CKAP5: variants seen among roughly 807,000 people sequenced by gnomAD.
CKAP5 encodes cytoskeleton-associated protein 5.
CKAP5 carries 27 observed loss-of-function variants against 232.8 expected under a neutral mutation model. That is an observed-to-expected ratio of 0.12 (90% CI 0.09 to 0.16). The LOEUF (loss-of-function observed/expected upper bound fraction) is 0.16. Ranked by LOEUF, CKAP5 falls within the 10% of genes least tolerant of loss-of-function variation. The pLI is 1.00. For missense variants in CKAP5, 1,838 were observed against 2,424.7 expected (o/e 0.76, Z 5.08); for synonymous variants, 785 against 841.1 (o/e 0.93, Z 1.16).
Position 46,765,195 on chromosome 11 carries a change from C to A in CKAP5, c.3473G>T (p.Gly1158Val). 1 of 1,613,000 alleles carries A rather than the reference C, an allele frequency of 6.2e-7. No individual in the cohort carries two copies. Among genetic ancestry groups the A allele is most frequent in the Non-Finnish European group, 8.5e-7 (1 of 1,179,510 alleles). The change falls in exon 28 of 44, where the codon GGG (glycine) becomes GTG (valine). Residue 1158 changes from glycine (G) to valine (V), a missense_variant. By Grantham distance (109) the Gly-to-Val change is moderately radical. This residue lies in a region of CKAP5 where 767 missense variants were observed against 954.6 expected (regional missense o/e 0.80). Transcript: ENST00000529230. ...ATTTGGAACAACAATAAAAATAGGCCCGGATTTGTCTTCATCCTCCTTTAA... is the reference window on the plus strand; with the variant it reads ...ATTTGGAACAACAATAAAAATAGGCACGGATTTGTCTTCATCCTCCTTTAA... ...TSLKEDEDKS[G>V]PIFIVVPNGK... is the part of the protein sequence containing the mutation.
chr11:46,757,484 C>T (rs961136768), intron 35 of CKAP5, among the ~76,000 whole-genome samples: 8 of 151,732 alleles, frequency 5.3e-5, no homozygotes, highest in Non-Finnish European at 1.0e-4. Flanking sequence ...CGGCGAGACT[C>T]CATCTCAAAA....
intron 4 of CKAP5, among the ~76,000 whole-genome samples, chr11:46,815,047 A>T (rs1939366119): frequency 6.6e-6 from 1 of 152,080 alleles, no homozygotes; most frequent in South Asian, 2.1e-4. Context: ...AATTTTTAAA[A>T]TGTATTTATT....
rs771493498 is a variant in CKAP5, at chr11:46,769,958, G to A, written c.3322+5C>T. 2 of 1,614,052 alleles carry A rather than the reference G, an allele frequency of 1.2e-6. No individual in the cohort carries two copies. Among genetic ancestry groups the A allele is most frequent in the Non-Finnish European group, 8.5e-7 (1 of 1,179,970 alleles). ...TCCCCTTTAACCTTCTTAAGATAGA[G>A]TTACCTGATGCAGGCTGGAATTTGG... On this transcript the variant is annotated splice_donor_5th_base_variant and intron_variant, in intron 26 of 43. Coordinates refer to ENST00000529230, the MANE Select transcript of CKAP5 (RefSeq NM_001008938.4).
intron 42 of CKAP5, among the ~76,000 whole-genome samples, chr11:46,746,993 TAGCTG>T (rs2134561766): frequency 1.3e-5 from 2 of 152,046 alleles, no homozygotes; most frequent in African/African-American, 4.8e-5. Context: ...CACAAAAAAT[TAGCTG>T]GGTGTGGTGG....
At chr11:46,770,487 A>C (rs997527842) in intron 25 of CKAP5, among the ~76,000 whole-genome samples, 4 of 152,208 alleles carry the variant, frequency 2.6e-5, no homozygotes, top group Admixed American at 6.5e-5. Flanking sequence ...GCTGGAGTGC[A>C]GTGGCACGAT....
chr11:46,839,868 T>C (rs939119137), intron 1 of CKAP5, among the ~76,000 whole-genome samples: 2 of 152,266 alleles, frequency 1.3e-5, no homozygotes, highest in African/African-American at 4.8e-5. Flanking sequence ...GCGGGACATG[T>C]TGGCTCATGC....
At chr11:46,829,448 G>C (rs1267338273) in intron 1 of CKAP5, among the ~76,000 whole-genome samples, 1 of 152,208 alleles carries the variant, frequency 6.6e-6, no homozygotes, top group African/African-American at 2.4e-5. Flanking sequence ...GGGAGGCTAA[G>C]GTAGAAGGAT....
chr11:46,760,877 G>C, intron 32 of CKAP5, 93 bp from the exon 33 acceptor site: 1 of 1,133,314 alleles, frequency 8.8e-7, no homozygotes, highest in East Asian at 2.4e-5. Flanking sequence ...GTTAGGACAT[G>C]TTTACTTTCA....
chr11:46,844,642 A>T (rs189204590), intron 1 of CKAP5, among the ~76,000 whole-genome samples: 102 of 151,920 alleles, frequency 6.7e-4, no homozygotes, highest in South Asian at 1.7e-3. Context: ...CTTTTAAAAA[A>T]TTTTTTTTCT....
At position 46,778,232 on chromosome 11, in the gene CKAP5, T is replaced by G; in HGVS notation, c.2655A>C (p.Ala885=). The G allele has an allele frequency of 1.2e-6, 2 of 1,613,832 alleles. No homozygotes were observed. Among genetic ancestry groups the G allele is most frequent in the Non-Finnish European group, 1.7e-6 (2 of 1,179,714 alleles). ...KIRKEGLDEV[A]GIINDAKFIQ... is the part of the protein sequence containing the mutation. The stretch of plus-strand genomic sequence containing the variant: ...TAAATTTTGCGTCATTAATAATACC[T>G]GCCACTTCATCTAGGCCTTCTTTCC... Residue 885 remains alanine (A), a synonymous_variant, in exon 22 of 44, where the codon GCA becomes GCC. Transcript: ENST00000529230.
chr11:46,751,099 T>A lies in CKAP5; in HGVS notation c.5460+19A>T. ...GGTGTAGCCTCATGTCCCTCAATCT[T>A]TCAAGTCAGGCCACTCACTATTCGA... On this transcript the variant is annotated intron_variant, in intron 40 of 43. Transcript: ENST00000529230. The A allele has an allele frequency of 6.2e-7, 1 of 1,613,978 alleles. No individual in the cohort carries two copies. The highest frequency in any genetic ancestry group is 2.2e-5 in the East Asian group (1 of 44,878).
chr11:46,777,081 A>G (rs6485690), intron 23 of CKAP5, among the ~76,000 whole-genome samples: 78,131 of 152,024 alleles, frequency 0.51, 23,235 homozygotes, highest in South Asian at 0.67. Context: ...AAAATGTTAC[A>G]CAATTACGTT....
intron 35 of CKAP5, 88 bp downstream of exon 35, chr11:46,758,835 T>C (rs2134585293): frequency 6.9e-7 from 1 of 1,447,866 alleles, no homozygotes; most frequent in African/African-American, 1.4e-5. Flanking sequence ...CATCCCCTAA[T>C]GCTATGACTC....
In CKAP5 at chr11:46,751,211, C is replaced by T. The variant is rs373055109; in HGVS notation, c.5367G>A (p.Glu1789=). 1.9e-6 allele frequency: 3 copies of T among 1,614,196 alleles called. No homozygotes were observed. The highest frequency in any genetic ancestry group is 2.5e-6 in the Non-Finnish European group (3 of 1,180,042). The change falls in exon 40 of 44, where the codon GAG becomes GAA. Residue 1789 remains glutamate (E), a synonymous_variant. Transcript: ENST00000529230. Reference sequence around the variant, plus strand: ...TCATCCGGCAGAGATGGGCCTCCAGCTCAGACTCGTTTTTGTTGTCGATCA... The same window carrying T: ...TCATCCGGCAGAGATGGGCCTCCAGTTCAGACTCGTTTTTGTTGTCGATCA... ...LTMIDNKNES[E]LEAHLCRMMK...
At chr11:46,758,716 A>C in intron 35 of CKAP5, 1 of 55,962 alleles carries the variant, frequency 1.8e-5, no homozygotes, top group Admixed American at 3.4e-4. Context: ...CAAAAGAGGA[A>C]AAAAAAAAAA....
In CKAP5 at chr11:46,801,651, C is replaced by T. The variant is rs143618022; in HGVS notation, c.979-347G>A. Among the ~76,000 whole-genome samples, 38 of 151,532 alleles carry T rather than the reference C, an allele frequency of 2.5e-4. No homozygotes were observed. In the East Asian group the frequency reaches 4.7e-3, roughly 19 times the overall value. ...CACCATTGCACTCCAGCCTGGGCAA[C>T]GCAGCAAGACTCCATCTCAAAAAAA... On this transcript the variant is annotated intron_variant, in intron 8 of 43. Coordinates refer to ENST00000529230, the MANE Select transcript of CKAP5 (RefSeq NM_001008938.4).
intron 37 of CKAP5, 88 bp downstream of exon 37, chr11:46,753,222 A>C (rs775766467): frequency 3.9e-6 from 4 of 1,033,624 alleles, no homozygotes; most frequent in Non-Finnish European, 5.7e-6. Flanking sequence ...TAGGTTGCCT[A>C]GGAAGTTGAC....
In CKAP5 at chr11:46,754,906, G is replaced by A. The variant is rs1382753845; in HGVS notation, c.4851C>T (p.Ile1617=). 2 of 1,612,042 alleles carry A rather than the reference G, an allele frequency of 1.2e-6. No individual in the cohort carries two copies. The highest frequency in any genetic ancestry group is 1.7e-6 in the Non-Finnish European group (2 of 1,179,400). ...KDEIIKLYSC[I]IGNMISLFQI... Reference sequence around the variant, plus strand: ...CCCTTACCGAAATCATGTTGCCAATGATACAGCTATACAACTTGATGATCT... The same window carrying A: ...CCCTTACCGAAATCATGTTGCCAATAATACAGCTATACAACTTGATGATCT... Residue 1617 remains isoleucine (I), a synonymous_variant, in exon 36 of 44, where the codon ATC becomes ATT. Transcript: ENST00000529230.
In CKAP5 at chr11:46,744,226, G is replaced by C. The variant is rs1265207617; in HGVS notation, c.5896C>G (p.Pro1966Ala). The C allele has an allele frequency of 3.1e-6, 5 of 1,614,014 alleles. No individual in the cohort carries two copies. Among genetic ancestry groups the C allele is most frequent in the Non-Finnish European group, 2.5e-6 (3 of 1,180,030 alleles). The change falls in exon 44 of 44, where the codon CCA (proline) becomes GCA (alanine). Residue 1966 changes from proline (P) to alanine (A), a missense_variant. Physicochemically the swap from Pro to Ala is conservative, Grantham distance 27. Coordinates refer to ENST00000529230, the MANE Select transcript of CKAP5 (RefSeq NM_001008938.4). ...GAAGAGGCGACAGTAGGAACTGCTG[G>C]TTTGGAGAGCAAAGAGGTCAAAGGA... ...RPPLTSLLSK[P>A]AVPTVASSTD...
Sources: allele counts gnomAD v4.1 joint callset (sites outside exome capture counted in the v4.1 genomes callset), GRCh38; gene constraint gnomAD v4.1.1; regional missense constraint gnomAD v4.1.1; transcripts MANE v1.5; gene names NCBI Gene and HGNC (gene_info 2026-07-23, HGNC 2026-07-21).